METTL15: variants seen among roughly 807,000 people sequenced by gnomAD.
METTL15 encodes methyltransferase 15, mitochondrial 12S rRNA N4-cytidine.
A neutral mutation model predicts 38.3 loss-of-function variants in METTL15; 34 were observed. The ratio of observed to expected loss-of-function variants is 0.89; its 90% CI spans 0.68 to 1.18. METTL15 has a LOEUF of 1.18. Ranked by LOEUF, METTL15 falls within the 50% of genes most tolerant of loss-of-function variation. The pLI is 0.00. For missense variants in METTL15, 438 were observed against 498.4 expected, an observed-to-expected ratio of 0.88 and a Z score of 1.15; for synonymous variants, 162 against 170.9, an observed-to-expected ratio of 0.95 and a Z score of 0.41.
At chr11:28,326,509 T>C (rs1225231465) in intron 6 of METTL15, among the ~76,000 whole-genome samples, 1 of 152,126 alleles carries the variant, frequency 6.6e-6, no homozygotes, top group Non-Finnish European at 1.5e-5. Context: ...TTCTTATCCA[T>C]GTGTCCCATT....
intron 4 of METTL15, among the ~76,000 whole-genome samples, chr11:28,258,655 C>T (rs535844503): frequency 3.1e-4 from 47 of 152,290 alleles, no homozygotes; most frequent in South Asian, 6.2e-4. Context: ...ATGGCCACCA[C>T]AACCATGGGC....
chr11:28,250,131 G>A (rs1854678133), intron 4 of METTL15, among the ~76,000 whole-genome samples: 3 of 152,022 alleles, frequency 2.0e-5, no homozygotes, highest in Admixed American at 1.3e-4. Context: ...CTATTGATGG[G>A]CATTTAGGTT....
chr11:28,508,470 A>G lies in METTL15; in HGVS notation c.*425-18008A>G, dbSNP rs78744636. On this transcript the variant is annotated intron_variant and NMD_transcript_variant, in intron 6 of 7. Transcript: ENST00000532947. ...ATTAACTGTAATTCTGTTCTTATCC[A>G]ACTACCTACTTATCCATCCACCCAA... 2.9e-4 allele frequency among the ~76,000 whole-genome samples: 44 copies of G among 152,284 alleles called. No individual in the cohort carries two copies. The East Asian group carries it at 8.5e-3, about 29-fold the overall frequency.
chr11:28,483,252 C>G (rs762681900), intron 6 of METTL15, among the ~76,000 whole-genome samples: 14 of 152,216 alleles, frequency 9.2e-5, no homozygotes, highest in East Asian at 1.9e-4. Context: ...AGACAGCCAG[C>G]GTATCTGGTG....
intron 3 of METTL15, chr11:28,134,596 C>T (rs1849453606): frequency 2.5e-6 from 1 of 398,530 alleles, no homozygotes; most frequent in Non-Finnish European, 4.4e-6. Flanking sequence ...CTGCTTCCTG[C>T]TGACAGGAGG....
intron 6 of METTL15, among the ~76,000 whole-genome samples, chr11:28,507,038 G>A (rs767141429): frequency 2.0e-5 from 3 of 152,092 alleles, no homozygotes; most frequent in African/African-American, 7.2e-5. Flanking sequence ...AGCCCACTGG[G>A]CCTGGCCCTC....
At chr11:28,282,081 G>C (rs2133974869) in intron 4 of METTL15, among the ~76,000 whole-genome samples, 1 of 152,286 alleles carries the variant, frequency 6.6e-6, no homozygotes, top group South Asian at 2.1e-4. Flanking sequence ...TAAAGATAAT[G>C]CTTTCAAAGT....
intron 6 of METTL15, among the ~76,000 whole-genome samples, chr11:28,323,530 G>C (rs1012840999): frequency 6.6e-6 from 1 of 152,180 alleles, no homozygotes; most frequent in East Asian, 1.9e-4. Flanking sequence ...TCAGGGCTAT[G>C]AAGGTAGATC....
chr11:28,488,321 A>G (rs2133479392), intron 6 of METTL15, among the ~76,000 whole-genome samples: 1 of 152,296 alleles, frequency 6.6e-6, no homozygotes, highest in Middle Eastern at 3.4e-3. Context: ...ACAAATTCCT[A>G]AAATCCTGTT....
intron 3 of METTL15, among the ~76,000 whole-genome samples, chr11:28,341,464 AATGTATATCC>A (rs1225106317): frequency 6.6e-6 from 1 of 152,154 alleles, no homozygotes; most frequent in Admixed American, 6.5e-5. Flanking sequence ...GTTTGTAATG[AATGTATATCC>A]ATTTTACAAA....
At chr11:28,420,768 G>A (rs573377019) in intron 5 of METTL15, among the ~76,000 whole-genome samples, 3 of 151,968 alleles carry the variant, frequency 2.0e-5, no homozygotes, top group South Asian at 2.1e-4. Context: ...CAAAAAAGAC[G>A]AAAAACTTCC....
intron 4 of METTL15, among the ~76,000 whole-genome samples, chr11:28,219,888 T>A (rs1590177578): frequency 1.3e-5 from 2 of 152,348 alleles, no homozygotes; most frequent in East Asian, 3.9e-4. Context: ...AGTTTCTTAA[T>A]CCTGATTTCT....
chr11:28,169,072 T>C (rs1850760071), intron 3 of METTL15, among the ~76,000 whole-genome samples: 1 of 152,062 alleles, frequency 6.6e-6, no homozygotes. Context: ...CAAGGTAAAG[T>C]GGAGGTTAGA....
chr11:28,327,983 A>C (rs568087106), intron 6 of METTL15: 242 of 1,149,160 alleles, frequency 2.1e-4, no homozygotes, highest in Middle Eastern at 8.7e-4. Flanking sequence ...AATGCTAAGA[A>C]ATTTTTAAAA....
chr11:28,282,913 T>G (rs1271824600), intron 4 of METTL15, among the ~76,000 whole-genome samples: 1 of 152,196 alleles, frequency 6.6e-6, no homozygotes, highest in East Asian at 1.9e-4. Context: ...TATGGTAGTT[T>G]GTTACATAGC....
intron 6 of METTL15, among the ~76,000 whole-genome samples, chr11:28,495,664 G>T (rs1307113925): frequency 6.6e-6 from 1 of 151,740 alleles, no homozygotes; most frequent in African/African-American, 2.4e-5. Context: ...AAAATGAGAG[G>T]GTGGAAGAAA....
chr11:28,382,507 C>T (rs1481483236), intron 5 of METTL15, among the ~76,000 whole-genome samples: 1 of 152,044 alleles, frequency 6.6e-6, no homozygotes, highest in Non-Finnish European at 1.5e-5. Context: ...TGTGCTTGTT[C>T]CCAGCAGATT....
chr11:28,211,303 C>A (rs1057160697), intron 4 of METTL15, 105 bp downstream of exon 4: 24 of 990,574 alleles, frequency 2.4e-5, no homozygotes, highest in Admixed American at 3.0e-5. Flanking sequence ...ATATTTTACT[C>A]CAGTAAATAT....
intron 3 of METTL15, among the ~76,000 whole-genome samples, chr11:28,162,250 T>G (rs894206957): frequency 5.9e-5 from 9 of 152,066 alleles, no homozygotes; most frequent in African/African-American, 1.9e-4. Flanking sequence ...GCTCATTAAT[T>G]TTGGAGGCAA....
Sources: gnomAD v4.1 joint callset for allele counts (sites outside exome capture counted in the v4.1 genomes callset) on GRCh38, gnomAD v4.1.1 for gene constraint, MANE v1.5 for transcripts, NCBI Gene and HGNC (gene_info 2026-07-23, HGNC 2026-07-21) for gene names.